NVL: variants seen among roughly 807,000 people sequenced by gnomAD.
NVL encodes the protein nuclear VCP like, also known as nuclear valosin-containing protein-like.
In NVL, 84 loss-of-function variants were observed where a neutral mutation model predicts 110.2. The ratio of observed to expected loss-of-function variants is 0.76; its 90% CI spans 0.64 to 0.91. The LOEUF is 0.91. Ranked by LOEUF, NVL falls within the 40% of genes least tolerant of loss-of-function variation. The pLI is 0.00. For synonymous variants in NVL, 354 were observed against 361.1 expected, an observed-to-expected ratio of 0.98 and a Z score of 0.22; for missense variants, 882 against 1,035.9, an observed-to-expected ratio of 0.85 and a Z score of 2.04.
At chr1:224,310,157 C>A (rs1173514672) in intron 5 of NVL, among the ~76,000 whole-genome samples, 1 of 129,398 alleles carries the variant, frequency 7.7e-6, no homozygotes, top group East Asian at 2.2e-4. Context: ...TCAGCCTGGG[C>A]GACAGAGTGA....
chr1:224,293,792 C>T (rs956169420), intron 12 of NVL, among the ~76,000 whole-genome samples: 5 of 152,186 alleles, frequency 3.3e-5, no homozygotes, highest in Non-Finnish European at 7.3e-5. Flanking sequence ...AAACAATTAT[C>T]CTACTGATGA....
At position 224,281,249 on chromosome 1, in the gene NVL, G is replaced by C. The variant is rs111363103; in HGVS notation, c.1900-64C>G. 250 of 1,281,446 alleles carry C rather than the reference G, an allele frequency of 2.0e-4. No individual in the cohort carries two copies. In the African/African-American group the frequency reaches 3.3e-3, roughly 17 times the overall value. 79.4% of individuals were successfully genotyped at this position (1,281,446 alleles called of 1,614,324 possible). A position where few individuals can be genotyped will look rare whatever the true frequency, so the allele number is the denominator to read the frequency against. ...ACACAGTAATAATAACAATAATAAT[G>C]ATGATGATGTGTGACAATGAAAGGA... On this transcript the variant is annotated intron_variant, in intron 15 of 22. Transcript: ENST00000281701.
At chr1:224,309,051 ACT>A (rs560248106) in intron 5 of NVL, among the ~76,000 whole-genome samples, 10 of 96,692 alleles carry the variant, frequency 1.0e-4, no homozygotes, top group Admixed American at 4.2e-4. Context: ...ACAGAGCGGG[ACT>A]CTGTCTCAAC....
chr1:224,293,997 G>T (rs1346749359), intron 12 of NVL, among the ~76,000 whole-genome samples: 1 of 152,074 alleles, frequency 6.6e-6, no homozygotes, highest in Non-Finnish European at 1.5e-5. Context: ...TAGAGACAGG[G>T]TCACACTATG....
At chr1:224,238,248 A>G (rs1262814397) in intron 19 of NVL, among the ~76,000 whole-genome samples, 1 of 151,978 alleles carries the variant, frequency 6.6e-6, no homozygotes, top group Non-Finnish European at 1.5e-5. Flanking sequence ...GCCCAGGCTG[A>G]TCTCAAACTC....
chr1:224,234,056 T>C (rs1356228212), intron 20 of NVL, among the ~76,000 whole-genome samples: 1 of 152,134 alleles, frequency 6.6e-6, no homozygotes, highest in African/African-American at 2.4e-5. Context: ...AAGTCACTTG[T>C]GGCTCCAAGT....
At chr1:224,234,547 G>A (rs1660258547) in intron 20 of NVL, among the ~76,000 whole-genome samples, 1 of 151,344 alleles carries the variant, frequency 6.6e-6, no homozygotes, top group Non-Finnish European at 1.5e-5. Flanking sequence ...CTGCGTCCTG[G>A]GTATGAGTGA....
At chr1:224,322,328 C>T (rs936748718) in intron 2 of NVL, among the ~76,000 whole-genome samples, 32 of 150,984 alleles carry the variant, frequency 2.1e-4, no homozygotes, top group African/African-American at 7.8e-4. Flanking sequence ...AAGCAATCCT[C>T]CTGTGTCAGC....
At chr1:224,257,785 C>T (rs1359359507) in intron 18 of NVL, among the ~76,000 whole-genome samples, 1 of 152,132 alleles carries the variant, frequency 6.6e-6, no homozygotes, top group Non-Finnish European at 1.5e-5. Flanking sequence ...AACAATCCTC[C>T]CATGTTGGCC....
chr1:224,249,217 G>A (rs1479200441), intron 19 of NVL, among the ~76,000 whole-genome samples: 1 of 151,986 alleles, frequency 6.6e-6, no homozygotes, highest in Non-Finnish European at 1.5e-5. Flanking sequence ...GATCTTGGCT[G>A]ACTGCAACCT....
intron 4 of NVL, among the ~76,000 whole-genome samples, chr1:224,316,222 T>C (rs1282029752): frequency 3.3e-5 from 5 of 152,060 alleles, no homozygotes; most frequent in Non-Finnish European, 5.9e-5. Flanking sequence ...AATTGCAGCA[T>C]GTCCATACAT....
chr1:224,261,479 CA>C (rs1663979230), intron 18 of NVL, among the ~76,000 whole-genome samples: 1 of 152,118 alleles, frequency 6.6e-6, no homozygotes, highest in African/African-American at 2.4e-5. Context: ...TAAGGGGGAA[CA>C]GGTAGTTCCC....
At chr1:224,318,784 C>T (rs1670337649) in intron 2 of NVL, among the ~76,000 whole-genome samples, 1 of 150,760 alleles carries the variant, frequency 6.6e-6, no homozygotes, top group Non-Finnish European at 1.5e-5. Context: ...GAGATTGAGA[C>T]CAGCCTGGCT....
chr1:224,309,847 G>A (rs1415115199), intron 5 of NVL, among the ~76,000 whole-genome samples: 1 of 152,134 alleles, frequency 6.6e-6, no homozygotes, highest in Non-Finnish European at 1.5e-5. Context: ...TGGCCAACAT[G>A]GTGAAACCAC....
intron 18 of NVL, among the ~76,000 whole-genome samples, chr1:224,254,390 A>ATT (rs36065511): frequency 0.047 from 3,980 of 84,212 alleles, 130 homozygotes; most frequent in East Asian, 0.12. Flanking sequence ...AGTGCCTGGC[A>ATT]TTTTTTTTTT....
At chr1:224,281,290 T>TGTGTGTGTGC in intron 15 of NVL, 105 bp from the exon 16 acceptor site, 1 of 705,094 alleles carries the variant, frequency 1.4e-6, no homozygotes, top group Non-Finnish European at 2.5e-6. Context: ...TGTGCGTGTG[T>TGTGTGTGTGC]GTGTGTGTGT....
intron 18 of NVL, among the ~76,000 whole-genome samples, chr1:224,259,847 T>A (rs574000996): frequency 6.6e-6 from 1 of 151,772 alleles, no homozygotes; most frequent in South Asian, 2.1e-4. Context: ...TTTGTATTTT[T>A]AGTAGAGACG....
intron 2 of NVL, among the ~76,000 whole-genome samples, chr1:224,318,977 G>A (rs7541254): frequency 0.92 from 131,053 of 142,564 alleles, 60,458 homozygotes; most frequent in Middle Eastern, 0.98. Context: ...CGACAAAGCG[G>A]GACTCCGTCT....
At chr1:224,247,248 C>T (rs1661953258) in intron 19 of NVL, among the ~76,000 whole-genome samples, 1 of 151,954 alleles carries the variant, frequency 6.6e-6, no homozygotes, top group Non-Finnish European at 1.5e-5. Context: ...CTCTGTTGCT[C>T]AGGCTGGAGT....
Sources: allele counts gnomAD v4.1 joint callset (sites outside exome capture counted in the v4.1 genomes callset), GRCh38; gene constraint gnomAD v4.1.1; transcripts MANE v1.5; gene names NCBI Gene and HGNC (gene_info 2026-07-23, HGNC 2026-07-21).